Variants in NWD1 observed in about 807,000 individuals in gnomAD.
The protein encoded by NWD1 is NACHT domain- and WD repeat-containing protein 1.
Under a neutral mutation model 135.1 loss-of-function variants are expected in NWD1, and 129 were observed. The observed-to-expected ratio is 0.96, with a 90% confidence interval of 0.83 to 1.11. NWD1 has a LOEUF of 1.11. Among genes scored for constraint, NWD1 ranks in the 50% least tolerant of loss-of-function variants. The probability of loss-of-function intolerance (pLI) is 0.00; values close to 1 mark genes in which losing one functional copy is unlikely to be tolerated. For missense variants in NWD1, 1,740 were observed against 1,851.3 expected, an observed-to-expected ratio of 0.94 and a Z score of 1.10; for synonymous variants, 773 against 786.0, an observed-to-expected ratio of 0.98 and a Z score of 0.28.
chr19:16,797,907 C>T (rs1458533154), intron 16 of NWD1, 21 bp downstream of exon 16: 2 of 1,598,360 alleles, frequency 1.3e-6, no homozygotes, highest in African/African-American at 2.7e-5. Context: ...ATCTGGGACC[C>T]TTCATCCTCA....
chr19:16,733,749 C>G (rs28668077), intron 3 of NWD1, among the ~76,000 whole-genome samples: 8,160 of 152,152 alleles, frequency 0.054, 268 homozygotes, highest in African/African-American at 0.08. Context: ...TGCCCATGCC[C>G]GTCCTCTGAC....
chr19:16,809,321 G>A (rs557280248), intron 18 of NWD1, among the ~76,000 whole-genome samples: 5 of 152,072 alleles, frequency 3.3e-5, no homozygotes, highest in African/African-American at 1.2e-4. Flanking sequence ...CAAGTGACCT[G>A]CCTTGGCCTC....
chr19:16,796,415 TC>T (rs1970418870), intron 15 of NWD1, among the ~76,000 whole-genome samples: 1 of 152,048 alleles, frequency 6.6e-6, no homozygotes, highest in African/African-American at 2.4e-5. Context: ...TGAGCCAAGA[TC>T]ATGCCACTGC....
chr19:16,724,779 G>T (rs952149491), intron 2 of NWD1, among the ~76,000 whole-genome samples: 1 of 151,222 alleles, frequency 6.6e-6, no homozygotes, highest in Non-Finnish European at 1.5e-5. Flanking sequence ...TGCAACCTCT[G>T]CCTCCCAGGT....
intron 4 of NWD1, among the ~76,000 whole-genome samples, chr19:16,738,546 G>A (rs1450329534): frequency 2.9e-5 from 4 of 138,806 alleles, no homozygotes; most frequent in East Asian, 2.0e-4. Context: ...TCCAGACTGC[G>A]CAACAGACGG....
At chr19:16,814,630 G>T (rs971139367) in intron 18 of NWD1, among the ~76,000 whole-genome samples, 23 of 152,196 alleles carry the variant, frequency 1.5e-4, no homozygotes, top group African/African-American at 5.6e-4. Flanking sequence ...CTGTAGCAAA[G>T]ATATATACAA....
intron 12 of NWD1, among the ~76,000 whole-genome samples, chr19:16,781,156 T>C (rs1057117451): frequency 6.6e-6 from 1 of 152,186 alleles, no homozygotes; most frequent in African/African-American, 2.4e-5. Context: ...TACCAGGTCC[T>C]GTTCTAGATG....
At chr19:16,812,449 A>G (rs757277796) in intron 18 of NWD1, among the ~76,000 whole-genome samples, 3 of 151,786 alleles carry the variant, frequency 2.0e-5, no homozygotes, top group Non-Finnish European at 4.4e-5. Context: ...CTAGTGGATC[A>G]CCTGAGGTGA....
rs77604477 is a variant in NWD1 at position 16,743,833 on chromosome 19, C to T, written c.199-588C>T. ...AAGTAGCTGGGATTACAGGCACCTA[C>T]CACTACGCCCAGCTAATTTTTATAT... On this transcript the variant is annotated intron_variant, in intron 4 of 18. Transcript: ENST00000524140. Among the ~76,000 whole-genome samples, 828 of 152,140 alleles carry T rather than the reference C, an allele frequency of 5.4e-3. 7 individuals are homozygous for T. Among genetic ancestry groups the T allele is most frequent in the African/African-American group, 0.019 (775 of 41,508 alleles).
chr19:16,787,870 T>TAATAAA (rs1568380610), intron 12 of NWD1, among the ~76,000 whole-genome samples: 3 of 91,648 alleles, frequency 3.3e-5, no homozygotes, highest in Admixed American at 1.5e-4. Flanking sequence ...AAAATAGTAA[T>TAATAAA]AATAACAATA....
At chr19:16,757,162 T>TA (rs1968829463) in intron 6 of NWD1, among the ~76,000 whole-genome samples, 2 of 151,886 alleles carry the variant, frequency 1.3e-5, no homozygotes, top group South Asian at 4.1e-4. Flanking sequence ...CCATCACCCC[T>TA]ACCCTGGTCC....
At chr19:16,771,024 G>A (rs1365717507) in intron 10 of NWD1, among the ~76,000 whole-genome samples, 2 of 152,152 alleles carry the variant, frequency 1.3e-5, no homozygotes, top group Admixed American at 1.3e-4. Context: ...ATGGGGCCGA[G>A]TGCGGGGGTT....
At chr19:16,758,903 C>A (rs2122867035) in intron 6 of NWD1, among the ~76,000 whole-genome samples, 1 of 146,836 alleles carries the variant, frequency 6.8e-6, no homozygotes, top group Admixed American at 7.2e-5. Context: ...ACTCAGGAGA[C>A]TGAGGCAGGA....
intron 6 of NWD1, among the ~76,000 whole-genome samples, chr19:16,756,859 C>A (rs1005699144): frequency 4.6e-5 from 7 of 152,134 alleles, no homozygotes; most frequent in Non-Finnish European, 1.0e-4. Flanking sequence ...CACCCGAGCT[C>A]CCCCTCTTGT....
chr19:16,785,303 G>T (rs1325443018), intron 12 of NWD1, among the ~76,000 whole-genome samples: 2 of 152,154 alleles, frequency 1.3e-5, no homozygotes, highest in East Asian at 1.9e-4. Flanking sequence ...TTTGAGGTCA[G>T]AAGTTCGAGA....
chr19:16,786,671 C>A (rs888734336), intron 12 of NWD1, among the ~76,000 whole-genome samples: 2 of 152,012 alleles, frequency 1.3e-5, no homozygotes, highest in Non-Finnish European at 2.9e-5. Context: ...CTCAGCTTCC[C>A]GAGGAGCTGG....
rs367735604 is a variant in NWD1 at position 16,736,205 on chromosome 19, CTTCT to C, written c.82-425_82-422del. Among the ~76,000 whole-genome samples, 77 of 91,468 alleles carry C rather than the reference CTTCT, an allele frequency of 8.4e-4. 1 individual carries two copies. The highest frequency in any genetic ancestry group is 1.7e-4 in the Non-Finnish European group (7 of 41,114). The allele number at this position is 91,468 out of a possible 152,430, so 60.0% of individuals were successfully genotyped here. ...CCTTCTTTCCTTCTTTCCTTCCTTC[CTTCT>C]TTCCTTCCTTCCTTCCTACCTTCCT... On this transcript the variant is annotated intron_variant, in intron 3 of 18. Transcript: ENST00000524140.
At chr19:16,725,939 T>G (rs774425626) in intron 2 of NWD1, among the ~76,000 whole-genome samples, 7 of 134,918 alleles carry the variant, frequency 5.2e-5, no homozygotes, top group Admixed American at 7.7e-5. Flanking sequence ...ATGCCATAGC[T>G]ACATTGTTTT....
At chr19:16,808,226 C>A in intron 18 of NWD1, 90 bp downstream of exon 18, 2 of 1,241,718 alleles carry the variant, frequency 1.6e-6, no homozygotes, top group Non-Finnish European at 2.3e-6. Flanking sequence ...CACCATGGGC[C>A]ATCGACCAGG....
Sources: gnomAD v4.1 joint callset for allele counts (sites outside exome capture counted in the v4.1 genomes callset) on GRCh38, gnomAD v4.1.1 for gene constraint, MANE v1.5 for transcripts, NCBI Gene and HGNC (gene_info 2026-07-23, HGNC 2026-07-21) for gene names.